The following DUS1L variants were observed in gnomAD, a reference collection of about 807,000 sequenced individuals.
The protein encoded by DUS1L is dihydrouridine synthase 1 like.
A neutral mutation model predicts 61.2 loss-of-function variants in DUS1L; 56 were observed. That is an observed-to-expected ratio of 0.92 (90% CI 0.74 to 1.14). The LOEUF (loss-of-function observed/expected upper bound fraction) is 1.14. Ranked by LOEUF, DUS1L falls within the 50% of genes most tolerant of loss-of-function variation. The probability of loss-of-function intolerance (pLI) is 0.00; values close to 1 mark genes in which losing one functional copy is unlikely to be tolerated. For synonymous variants in DUS1L, 278 were observed against 259.5 expected (o/e 1.07, Z -0.69); for missense variants, 630 against 632.4 (o/e 1.00, Z 0.04).
In DUS1L at chr17:82,060,736, G is replaced by C. The variant is rs746575649; in HGVS notation, c.987C>G (p.Pro329=). Residue 329 remains proline, a synonymous_variant, in exon 10 of 14, where the codon CCC becomes CCG. Transcript: ENST00000306796. ...TGTAGGGCTGGCAGATCCAGTGGAA[G>C]GGCAAGTCGCCGGTGGGCTTCGCTC... ...QEGAKPTGDL[P]FHWICQPYIR... 1 of 1,612,862 alleles carries C rather than the reference G, an allele frequency of 6.2e-7. No homozygotes were observed. The highest frequency in any genetic ancestry group is 1.3e-5 in the African/African-American group (1 of 74,910).
At position 82,063,478 on chromosome 17, in the gene DUS1L, G is replaced by A. The variant is rs2033608344; in HGVS notation, c.387C>T (p.Leu129=). 1.2e-6 allele frequency: 2 copies of A among 1,613,626 alleles called. No individual in the cohort carries two copies. Among genetic ancestry groups the A allele is most frequent in the African/African-American group, 1.3e-5 (1 of 74,924 alleles). The change falls in exon 4 of 14, where the codon CTC becomes CTT. Residue 129 remains leucine, a synonymous_variant. Transcript: ENST00000306796. The stretch of plus-strand genomic sequence containing the variant: ...ACCCAGCCAACTCACTCATTCTTTG[G>A]AGCAGGTCCCACTCGTCCTGCAGAA... ...GAFLQDEWDL[L]QRMILLAHEK... is the part of the protein sequence containing the mutation.
chr17:82,060,484 G>A, intron 10 of DUS1L: 3 of 612,906 alleles, frequency 4.9e-6, no homozygotes, highest in South Asian at 2.0e-5. Context: ...ACTGAGGGAG[G>A]ACACAGCTGA....
chr17:82,061,102 T>C lies in DUS1L; in HGVS notation c.842+107A>G, dbSNP rs1205056424. On this transcript the variant is annotated intron_variant, in intron 8 of 13. Coordinates refer to ENST00000306796, the MANE Select transcript of DUS1L (RefSeq NM_022156.5). ...CACCCCAGCCCCTCAAGACCTGACT[T>C]AGCAGCAAGTTGTTTTGACAAAACC... The C allele has an allele frequency of 1.9e-6, 3 of 1,543,890 alleles. No individual in the cohort carries two copies. The Admixed American group carries it at 5.6e-5, about 29-fold the overall frequency.
chr17:82,059,858 A>G (rs1310282637), intron 11 of DUS1L, 90 bp downstream of exon 11: 1 of 1,564,770 alleles, frequency 6.4e-7, no homozygotes, highest in African/African-American at 1.4e-5. Flanking sequence ...AGCCTTGCTG[A>G]CCACAAGTCT....
intron 4 of DUS1L, 177 bp from the exon 5 acceptor site, chr17:82,063,150 C>T: frequency 1.5e-6 from 1 of 650,210 alleles, no homozygotes; most frequent in Admixed American, 2.6e-5. Flanking sequence ...GCTCCCTCCG[C>T]CATACCCCCG....
rs774378451 is a variant in DUS1L, at chr17:82,060,828, C to T, written c.939+37G>A. Reference sequence around the variant, plus strand: ...TGGTCATGGCCCCAGCCCCTCACCCCCTGCAAGGCCGGGCTCCCACCAGCC... The same window carrying T: ...TGGTCATGGCCCCAGCCCCTCACCCTCTGCAAGGCCGGGCTCCCACCAGCC... On this transcript the variant is annotated intron_variant, in intron 9 of 13. Coordinates refer to ENST00000306796, the MANE Select transcript of DUS1L (RefSeq NM_022156.5). 1.4e-5 allele frequency: 23 copies of T among 1,611,750 alleles called. No individual in the cohort carries two copies. The South Asian group carries it at 1.8e-4, about 12-fold the overall frequency.
intron 3 of DUS1L, 59 bp from the exon 4 acceptor site, chr17:82,063,577 C>T: frequency 2.5e-6 from 4 of 1,606,498 alleles, no homozygotes; most frequent in Non-Finnish European, 2.6e-6. Flanking sequence ...GGGCCGAAGC[C>T]TTGCACCCCC....
chr17:82,062,072 C>A, intron 5 of DUS1L, 89 bp from the exon 6 acceptor site: 1 of 1,207,638 alleles, frequency 8.3e-7, no homozygotes, highest in Non-Finnish European at 1.1e-6. Context: ...TCTGCCCCTA[C>A]TCCACCCCTC....
At chr17:82,059,792 T>G in intron 11 of DUS1L, 156 bp downstream of exon 11, 1 of 1,061,516 alleles carries the variant, frequency 9.4e-7, no homozygotes, top group Non-Finnish European at 1.4e-6. Context: ...TGACCCCAAG[T>G]CTGGCTGACT....
In DUS1L at chr17:82,060,942, G is replaced by A. The variant is rs1395128765; in HGVS notation, c.862C>T (p.Leu288=). The change falls in exon 9 of 14, where the codon CTG becomes TTG. Residue 288 remains leucine, a synonymous_variant. Transcript: ENST00000306796. ...TTCACCTTGGCCAGCTCCTCTCGCAGCTCCTGGTGCACCTGCAGCCTGAGA... is the reference window on the plus strand; with the variant it reads ...TTCACCTTGGCCAGCTCCTCTCGCAACTCCTGGTGCACCTGCAGCCTGAGA... ...WHHTLQVHQE[L]REELAKVKTL... is the part of the protein sequence containing the mutation. 2.5e-6 allele frequency: 4 copies of A among 1,610,146 alleles called. No individual in the cohort carries two copies. The highest frequency in any genetic ancestry group is 3.4e-6 in the Non-Finnish European group (4 of 1,179,826).
At chr17:82,059,147 AG>A in intron 11 of DUS1L, 1 of 347,282 alleles carries the variant, frequency 2.9e-6, no homozygotes, top group Non-Finnish European at 5.5e-6. Flanking sequence ...ACAGGGTCCA[AG>A]GGGGGTTCCA....
chr17:82,060,657 A>C (rs199920818), intron 10 of DUS1L, 44 bp downstream of exon 10: 2 of 1,597,236 alleles, frequency 1.3e-6, no homozygotes, highest in East Asian at 2.3e-5. Context: ...GGTGGAGCCC[A>C]CACCTTGGTG....
intron 12 of DUS1L, 181 bp from the exon 13 acceptor site, chr17:82,058,597 C>T (rs1321596436): frequency 1.4e-6 from 2 of 1,464,996 alleles, no homozygotes; most frequent in African/African-American, 2.8e-5. Context: ...ACTCTCTTCC[C>T]CTCCAGGCCT....
rs940502873 is a variant in DUS1L, at chr17:82,064,871, C to T, written c.189G>A (p.Glu63=). The change falls in exon 2 of 14, where the codon GAG becomes GAA. Residue 63 remains glutamate, a synonymous_variant. Transcript: ENST00000306796. ...VFVRDANYRK[E]NLYCEVCPED... is the part of the protein sequence containing the mutation. ...CGGGGCACACCTCGCAGTACAGGTT[C>T]TCCTTCCGGTAGTTGGCGTCGCGGA... 15 of 1,612,456 alleles carry T rather than the reference C, an allele frequency of 9.3e-6. No homozygotes were observed. Among genetic ancestry groups the T allele is most frequent in the Non-Finnish European group, 1.1e-5 (13 of 1,179,874 alleles).
chr17:82,061,513 G>GAACA (rs749125637), intron 7 of DUS1L, 105 bp downstream of exon 7: 7 of 1,434,382 alleles, frequency 4.9e-6, no homozygotes, highest in Non-Finnish European at 6.7e-6. Context: ...CACCATCTGT[G>GAACA]AACAGCACCA....
At chr17:82,065,255 G>A (rs1050574028) in intron 1 of DUS1L, 186 bp from the exon 2 acceptor site, 32 of 564,478 alleles carry the variant, frequency 5.7e-5, no homozygotes, top group Non-Finnish European at 9.3e-5. Flanking sequence ...CCTCCTAGCG[G>A]ACCTCGGGGG....
Position 82,060,022 on chromosome 17 carries a change from G to T in DUS1L, c.1094C>A (p.Thr365Lys), listed in dbSNP as rs111336032. The T allele has an allele frequency of 1.2e-6, 2 of 1,613,868 alleles. No individual in the cohort carries two copies. The highest frequency in any genetic ancestry group is 1.3e-5 in the African/African-American group (1 of 75,002). ...KRALEEEEGG[T>K]EVLSKNKQKK... ...TTGCTTGTTCTTGGACAGGACCTCC[G>T]TGCCACCCTCCTCTTCCTCCAGGGC... is the stretch of plus-strand genomic sequence containing the variant. The change falls in exon 11 of 14, where the codon ACG becomes AAG. Residue 365 changes from threonine to lysine, a missense_variant. Coordinates refer to ENST00000306796, the MANE Select transcript of DUS1L (RefSeq NM_022156.5).
intron 3 of DUS1L, 77 bp from the exon 4 acceptor site, chr17:82,063,595 C>G (rs1358067528): frequency 2.5e-6 from 4 of 1,588,764 alleles, no homozygotes; most frequent in Non-Finnish European, 3.4e-6. Context: ...CCCTCTGCAC[C>G]CTTTCCTGCA....
chr17:82,062,102 C>T (rs2033537312), intron 5 of DUS1L, 119 bp from the exon 6 acceptor site: 2 of 885,026 alleles, frequency 2.3e-6, no homozygotes, highest in Admixed American at 2.9e-5. Flanking sequence ...TCTGCCCCTC[C>T]CAGCCCTGTG....
Sources: allele counts gnomAD v4.1 joint callset, GRCh38; gene constraint gnomAD v4.1.1; transcripts MANE v1.5; gene names NCBI Gene and HGNC (gene_info 2026-07-23, HGNC 2026-07-21).